The following YLPM1 variants were observed in gnomAD, a reference collection of about 807,000 sequenced individuals.
YLPM1 encodes YLP motif-containing protein 1.
A neutral mutation model predicts 230.0 loss-of-function variants in YLPM1; 99 were observed. That is an observed-to-expected ratio of 0.43 (90% CI 0.37 to 0.51). The LOEUF (loss-of-function observed/expected upper bound fraction) is 0.51, where lower values mean the gene tolerates loss of function less well. Among genes scored for constraint, YLPM1 ranks in the 20% least tolerant of loss-of-function variants. The pLI, the probability that YLPM1 is intolerant of heterozygous loss-of-function variation, is 0.00. For synonymous variants in YLPM1, 984 were observed against 942.5 expected, an observed-to-expected ratio of 1.04 and a Z score of -0.81; for missense variants, 2,592 against 2,707.7, an observed-to-expected ratio of 0.96 and a Z score of 0.95.
At chr14:74,772,418 C>T (rs577238661) in intron 1 of YLPM1, among the ~76,000 whole-genome samples, 5 of 150,522 alleles carry the variant, frequency 3.3e-5, no homozygotes, top group South Asian at 2.1e-4. Context: ...TGCAGTGGCG[C>T]GAGGATCTGG....
In YLPM1 at chr14:74,799,148, G is replaced by A; in HGVS notation, c.3851G>A (p.Arg1284Lys). The A allele has an allele frequency of 6.2e-7, 1 of 1,613,898 alleles. No individual in the cohort carries two copies. Among genetic ancestry groups the A allele is most frequent in the South Asian group, 1.1e-5 (1 of 91,060 alleles). ...GAGGACTACAATAGGGAAATGGAAAGGGACATGGACAGGGATGTGGATCGG... is the reference window on the plus strand; with the variant it reads ...GAGGACTACAATAGGGAAATGGAAAAGGACATGGACAGGGATGTGGATCGG... ...MDEDYNREME[R>K]DMDRDVDRIS... The change falls in exon 5 of 21, where the codon AGG becomes AAG. Residue 1284 changes from arginine (R) to lysine (K), a missense_variant. By Grantham distance (26) the Arg-to-Lys change is conservative (BLOSUM62 2). Around this residue, in one of 4 missense-constraint regions of YLPM1, gnomAD observed 1,862 missense variants for 1,819.8 expected, o/e 1.02. Transcript: ENST00000325680.
intron 4 of YLPM1, 53 bp from the exon 5 acceptor site, chr14:74,797,527 A>ATTTTTTTTTTTT: frequency 1.5e-6 from 2 of 1,299,010 alleles, no homozygotes; most frequent in African/African-American, 1.5e-5. Flanking sequence ...TACATGGAGA[A>ATTTTTTTTTTTT]TTTTTTTTTT....
intron 15 of YLPM1, 63 bp downstream of exon 15, chr14:74,817,340 A>T: frequency 4.2e-6 from 6 of 1,433,592 alleles, no homozygotes; most frequent in Non-Finnish European, 5.7e-6. Context: ...TGTTTTGGTT[A>T]AGGAAGGACT....
intron 11 of YLPM1, among the ~76,000 whole-genome samples, chr14:74,815,663 C>T (rs2091472258): frequency 6.6e-6 from 1 of 151,394 alleles, no homozygotes; most frequent in South Asian, 2.1e-4. Flanking sequence ...TTATTAACTT[C>T]TGCTTTAATC....
At chr14:74,824,350 G>T in intron 18 of YLPM1, 43 bp downstream of exon 18, 1 of 1,583,830 alleles carries the variant, frequency 6.3e-7, no homozygotes, top group Non-Finnish European at 8.6e-7. Flanking sequence ...GATACCTGAT[G>T]GTAATGGTCA....
intron 1 of YLPM1, among the ~76,000 whole-genome samples, chr14:74,772,701 C>T (rs1312295306): frequency 2.0e-5 from 3 of 152,084 alleles, no homozygotes; most frequent in Non-Finnish European, 2.9e-5. Flanking sequence ...CATTCAATCT[C>T]GTTTTAAATG....
intron 15 of YLPM1, 113 bp from the exon 16 acceptor site, chr14:74,818,118 T>C: frequency 2.3e-6 from 1 of 444,202 alleles, no homozygotes; most frequent in South Asian, 7.1e-5. Flanking sequence ...AACAAATATT[T>C]AATTAATATT....
At chr14:74,786,627 T>A (rs2091152766) in intron 4 of YLPM1, among the ~76,000 whole-genome samples, 1 of 152,218 alleles carries the variant, frequency 6.6e-6, no homozygotes. Flanking sequence ...AGTAGTAGTT[T>A]ATTCCCGTTC....
intron 19 of YLPM1, chr14:74,834,878 T>G: frequency 6.0e-6 from 1 of 165,444 alleles, no homozygotes; most frequent in South Asian, 1.6e-4. Flanking sequence ...CAACTGTGTG[T>G]TTTAGGAAGA....
At chr14:74,774,281 G>A (rs2091009503) in intron 1 of YLPM1, among the ~76,000 whole-genome samples, 1 of 152,148 alleles carries the variant, frequency 6.6e-6, no homozygotes, top group Admixed American at 6.5e-5. Context: ...TTGAGATGGA[G>A]TCAGTGAGTG....
At chr14:74,788,921 A>G (rs1198468679) in intron 4 of YLPM1, among the ~76,000 whole-genome samples, 1 of 152,202 alleles carries the variant, frequency 6.6e-6, no homozygotes, top group Non-Finnish European at 1.5e-5. Flanking sequence ...TTTTATTTTT[A>G]AATCAATACT....
At chr14:74,825,929 T>C (rs2091558051) in intron 18 of YLPM1, among the ~76,000 whole-genome samples, 1 of 152,190 alleles carries the variant, frequency 6.6e-6, no homozygotes, top group Non-Finnish European at 1.5e-5. Context: ...TATTGGTATT[T>C]CTTGGAATTT....
At chr14:74,767,855 C>G (rs2090928737) in intron 1 of YLPM1, among the ~76,000 whole-genome samples, 1 of 151,192 alleles carries the variant, frequency 6.6e-6, no homozygotes, top group Non-Finnish European at 1.5e-5. Context: ...AACTCTGGAA[C>G]CTTCATTTAA....
chr14:74,813,544 G>A (rs1305712679), intron 11 of YLPM1, among the ~76,000 whole-genome samples: 6 of 151,984 alleles, frequency 3.9e-5, no homozygotes, highest in African/African-American at 7.3e-5. Flanking sequence ...ACAGCGGATC[G>A]TGTTTTTTAA....
Position 74,763,767 on chromosome 14 carries a change from C to T in YLPM1, c.278C>T (p.Pro93Leu). ...PPPLPPPPVMPGGGYGDWQPP... is the reference protein window; with the variant it reads ...PPPLPPPPVMLGGGYGDWQPP... The stretch of plus-strand genomic sequence containing the variant: ...CCTCTGCCGCCCCCGCCAGTGATGC[C>T]GGGGGGCGGCTACGGAGACTGGCAG... The change falls in exon 1 of 21, where the codon CCG becomes CTG. Residue 93 changes from proline to leucine, a missense_variant. Transcript: ENST00000325680. 2.7e-6 allele frequency: 4 copies of T among 1,497,362 alleles called. No homozygotes were observed. The highest frequency in any genetic ancestry group is 1.4e-5 in the South Asian group (1 of 72,624). The allele number at this position is 1,497,362 out of a possible 1,614,324, so 92.8% of individuals were successfully genotyped here. A position where few individuals can be genotyped will look rare whatever the true frequency, so the allele number is the denominator to read the frequency against.
At chr14:74,810,088 C>T (rs1416530273) in intron 8 of YLPM1, 86 bp downstream of exon 8, 7 of 1,467,356 alleles carry the variant, frequency 4.8e-6, no homozygotes, top group African/African-American at 1.4e-5. Context: ...TTATCTGAGC[C>T]TCCATTTAAT....
At position 74,763,639 on chromosome 14, in the gene YLPM1, CATGAGCT is replaced by C; in HGVS notation, c.151_157del (p.Met51SerfsTer39). On this transcript the variant is annotated frameshift_variant, in exon 1 of 21. Transcript: ENST00000325680. LOFTEE classifies it high-confidence loss of function. Reference sequence around the variant, plus strand: ...CCGCGGCCCCCTCCTCCTCGGGCTTCATGAGCTTCCGCGAACAGCACTTGGCGCAGCT... The same window carrying C: ...CCGCGGCCCCCTCCTCCTCGGGCTTCTCCGCGAACAGCACTTGGCGCAGCT... The C allele has an allele frequency of 6.3e-7, 1 of 1,592,346 alleles. No individual in the cohort carries two copies. The highest frequency in any genetic ancestry group is 8.6e-7 in the Non-Finnish European group (1 of 1,168,408).
At chr14:74,769,853 C>CG (rs1331692819) in intron 1 of YLPM1, among the ~76,000 whole-genome samples, 1 of 94,858 alleles carries the variant, frequency 1.1e-5, no homozygotes, top group African/African-American at 4.9e-5. Context: ...AGTGAGACAC[C>CG]CCCCCCCCCG....
Position 74,809,919 on chromosome 14 carries a change from C to A in YLPM1, c.4949C>A (p.Thr1650Asn), listed in dbSNP as rs978140878. Residue 1650 changes from threonine (T) to asparagine (N), a missense_variant, in exon 8 of 21, where the codon ACT (threonine) becomes AAT (asparagine). Physicochemically the swap from Thr to Asn is moderately conservative, Grantham distance 65 (BLOSUM62 0). Around this residue, in one of 4 missense-constraint regions of YLPM1, gnomAD observed 403 missense variants for 426.7 expected, o/e 0.94. Coordinates refer to ENST00000325680, the MANE Select transcript of YLPM1 (RefSeq NM_019589.3). ...VDYGHGRDIS[T>N]NKVEQIPYGE... The stretch of plus-strand genomic sequence containing the variant: ...TGATTTTGTTTACCAGATATATCCA[C>A]TAATAAAGTTGAACAGATACCTTAT... The A allele has an allele frequency of 1.2e-6, 2 of 1,608,100 alleles. No homozygotes were observed. The highest frequency in any genetic ancestry group is 2.7e-5 in the African/African-American group (2 of 74,796).
Sources: gnomAD v4.1 joint callset for allele counts (sites outside exome capture counted in the v4.1 genomes callset) on GRCh38, gnomAD v4.1.1 for gene constraint, gnomAD v4.1.1 regional missense constraint, MANE v1.5 for transcripts, NCBI Gene and HGNC (gene_info 2026-07-23, HGNC 2026-07-21) for gene names.